ALDOC: variants seen among roughly 807,000 people sequenced by gnomAD.
ALDOC encodes the protein fructose-bisphosphate aldolase C.
Under a neutral mutation model 39.5 loss-of-function variants are expected in ALDOC, and 23 were observed. That is an observed-to-expected ratio of 0.58 (90% confidence interval 0.42 to 0.82). ALDOC has a LOEUF of 0.82. Among genes scored for constraint, ALDOC ranks in the 40% least tolerant of loss-of-function variants. The probability of loss-of-function intolerance (pLI) is 0.00; values close to 1 mark genes in which losing one functional copy is unlikely to be tolerated. For missense variants in ALDOC, 356 were observed against 479.1 expected, an observed-to-expected ratio of 0.74 and a Z score of 2.40; for synonymous variants, 160 against 182.6, an observed-to-expected ratio of 0.88 and a Z score of 1.00.
Position 28,575,541 on chromosome 17 carries a change from C to G in ALDOC, c.-9G>C, listed in dbSNP as rs2070478739. The G allele has an allele frequency of 6.2e-7, 1 of 1,613,506 alleles. No homozygotes were observed. The highest frequency in any genetic ancestry group is 1.3e-5 in the African/African-American group (1 of 74,932). On this transcript the variant is annotated 5_prime_UTR_variant, in exon 2 of 9. Transcript: ENST00000226253. The surrounding 1 kb of genome is among the most constrained non-coding windows in gnomAD (Gnocchi z 4.3). The stretch of plus-strand genomic sequence containing the variant: ...GGGTACGAGTGAGGCATGGTGACAG[C>G]TCCCTGGAGTGGAGACAAGATAAAA...
In ALDOC at chr17:28,573,850, G is replaced by T; in HGVS notation, c.884C>A (p.Pro295His). The change falls in exon 8 of 9, where the codon CCC (proline) becomes CAC (histidine). Residue 295 changes from proline to histidine, a missense_variant. Pro to His is a moderately conservative substitution (Grantham distance 77, BLOSUM62 -2). Transcript: ENST00000226253. This position sits in a 1 kb window ranked among gnomAD's most constrained non-coding sequence, Gnocchi z 4.3. ...CCCATAGGAGAAGGTAAGCGCCCAG[G>T]GTCGGGGAAGGGGGCAGCGGTTGAT... ...NAINRCPLPRPWALTFSYGRA... is the reference protein window; with the variant it reads ...NAINRCPLPRHWALTFSYGRA... The T allele has an allele frequency of 6.2e-7, 1 of 1,614,240 alleles. No individual in the cohort carries two copies. Among genetic ancestry groups the T allele is most frequent in the African/African-American group, 1.3e-5 (1 of 75,052 alleles).
intron 5 of ALDOC, 51 bp downstream of exon 5, chr17:28,574,645 C>G (rs1247502814): frequency 1.2e-6 from 2 of 1,613,650 alleles, no homozygotes; most frequent in African/African-American, 2.7e-5. Flanking sequence ...GTGACTCTCT[C>G]CCCACCAGGC....
intron 5 of ALDOC, 54 bp from the exon 6 acceptor site, chr17:28,574,631 C>T (rs915922016): frequency 1.2e-6 from 2 of 1,613,480 alleles, no homozygotes; most frequent in African/African-American, 2.7e-5. Flanking sequence ...ATGAAGAAAG[C>T]CTTGTGACTC....
At position 28,574,245 on chromosome 17, in the gene ALDOC, G is replaced by A. The variant is rs1222475947; in HGVS notation, c.625-4C>T. ...CCTTGTACACAGCAGCCAAGACCTG[G>A]GTGGGGATTAGAGGAGGTTTACTAA... On this transcript the variant is annotated splice_polypyrimidine_tract_variant and splice_region_variant and intron_variant, in intron 6 of 8. Coordinates refer to ENST00000226253, the MANE Select transcript of ALDOC (RefSeq NM_005165.3). 1.3e-6 allele frequency: 2 copies of A among 1,581,078 alleles called. No individual in the cohort carries two copies. The highest frequency in any genetic ancestry group is 1.2e-5 in the South Asian group (1 of 85,090).
chr17:28,574,279 GC>G, intron 6 of ALDOC, 38 bp from the exon 7 acceptor site: 1 of 1,561,938 alleles, frequency 6.4e-7, no homozygotes, highest in Non-Finnish European at 8.7e-7. Context: ...AAGGGTCTGG[GC>G]CCCCACTGGT....
In ALDOC at chr17:28,575,080, T is replaced by A. The variant is rs1225558780; in HGVS notation, c.324+43A>T. On this transcript the variant is annotated intron_variant, in intron 3 of 8. Coordinates refer to ENST00000226253, the MANE Select transcript of ALDOC (RefSeq NM_005165.3). This position sits in a 1 kb window ranked among gnomAD's most constrained non-coding sequence, Gnocchi z 4.3. Reference sequence around the variant, plus strand: ...TGCTACCCCTCCTACACAAGCTTATTTTCACACCCAGCTTCCATTCAGAGC... The same window carrying A: ...TGCTACCCCTCCTACACAAGCTTATATTCACACCCAGCTTCCATTCAGAGC... 1 of 1,613,934 alleles carries A rather than the reference T, an allele frequency of 6.2e-7. No homozygotes were observed. The highest frequency in any genetic ancestry group is 8.5e-7 in the Non-Finnish European group (1 of 1,179,968).
rs2070471079 is a variant in ALDOC, at chr17:28,575,108, G to A, written c.324+15C>T. ...CACACCCAGCTTCCATTCAGAGCAGGGCCAGGGGCTGCACCTTGATGCCCA... is the reference window on the plus strand; with the variant it reads ...CACACCCAGCTTCCATTCAGAGCAGAGCCAGGGGCTGCACCTTGATGCCCA... On this transcript the variant is annotated intron_variant, in intron 3 of 8. Coordinates refer to ENST00000226253, the MANE Select transcript of ALDOC (RefSeq NM_005165.3). This position sits in a 1 kb window ranked among gnomAD's most constrained non-coding sequence, Gnocchi z 4.3. 1 of 1,614,124 alleles carries A rather than the reference G, an allele frequency of 6.2e-7. No homozygotes were observed. The highest frequency in any genetic ancestry group is 2.2e-5 in the East Asian group (1 of 44,882).
Position 28,575,139 on chromosome 17 carries a change from A to G in ALDOC, c.308T>C (p.Ile103Thr), listed in dbSNP as rs1368968333. The G allele has an allele frequency of 1.2e-6, 2 of 1,614,190 alleles. No individual in the cohort carries two copies. Among genetic ancestry groups the G allele is most frequent in the Non-Finnish European group, 1.7e-6 (2 of 1,180,038 alleles). Residue 103 changes from isoleucine (I) to threonine (T), a missense_variant, in exon 3 of 9, where the codon ATC (isoleucine) becomes ACC (threonine). By Grantham distance (89) the Ile-to-Thr change is moderately conservative. Coordinates refer to ENST00000226253, the MANE Select transcript of ALDOC (RefSeq NM_005165.3). This position sits in a 1 kb window ranked among gnomAD's most constrained non-coding sequence, Gnocchi z 4.3. ...GGGCTGCACCTTGATGCCCACGACGATGCCCTTATCCTGGATGGTTCGGAC... is the reference window on the plus strand; with the variant it reads ...GGGCTGCACCTTGATGCCCACGACGGTGCCCTTATCCTGGATGGTTCGGAC... The part of the protein sequence containing the change: ...PFVRTIQDKG[I>T]VVGIKVDKGV...
chr17:28,575,821 T>G lies in ALDOC; in HGVS notation c.-12-277A>C, dbSNP rs1261604472. On this transcript the variant is annotated intron_variant, in intron 1 of 8. Transcript: ENST00000226253. This position sits in a 1 kb window ranked among gnomAD's most constrained non-coding sequence, Gnocchi z 4.3. ...AGGTGAGCAGCCCTGAAGCCACAGC[T>G]CTTCTGATAAATCTGCTGCCCAATC... 3.6e-6 allele frequency: 2 copies of G among 561,758 alleles called. No homozygotes were observed. Among genetic ancestry groups the G allele is most frequent in the Non-Finnish European group, 2.8e-6 (1 of 361,868 alleles). 34.8% of individuals were successfully genotyped at this position (561,758 alleles called of 1,614,324 possible). A position where few individuals can be genotyped will look rare whatever the true frequency, so the allele number is the denominator to read the frequency against.
rs374220270 is a variant in ALDOC, at chr17:28,573,639, G to A, written c.1000-18C>T. On this transcript the variant is annotated intron_variant, in intron 8 of 8. Transcript: ENST00000226253. This position sits in a 1 kb window ranked among gnomAD's most constrained non-coding sequence, Gnocchi z 4.3. Reference sequence around the variant, plus strand: ...CCATTCACCTGCAAAAGGGAGCGTGGAGTAAGCAGGCTGAGCCAGCCCACA... The same window carrying A: ...CCATTCACCTGCAAAAGGGAGCGTGAAGTAAGCAGGCTGAGCCAGCCCACA... 126 of 1,613,992 alleles carry A rather than the reference G, an allele frequency of 7.8e-5. No homozygotes were observed. The highest frequency in any genetic ancestry group is 9.9e-5 in the Non-Finnish European group (117 of 1,179,954).
At position 28,573,761 on chromosome 17, in the gene ALDOC, T is replaced by G. The variant is rs2070454323; in HGVS notation, c.973A>C (p.Thr325Pro). 1 of 1,614,074 alleles carries G rather than the reference T, an allele frequency of 6.2e-7. No homozygotes were observed. Among genetic ancestry groups the G allele is most frequent in the South Asian group, 1.1e-5 (1 of 91,094 alleles). Residue 325 changes from threonine to proline, a missense_variant, in exon 8 of 9, where the codon ACT becomes CCT. Thr to Pro is a conservative substitution (Grantham distance 38, BLOSUM62 -1). Transcript: ENST00000226253. The surrounding 1 kb of genome is among the most constrained non-coding windows in gnomAD (Gnocchi z 4.3). ...RGQRDNAGAA[T>P]EEFIKRAEVN... ...TCAGCCCGCTTGATGAACTCCTCAG[T>G]GGCAGCCCCAGCATTGTCCCGTTGC...
chr17:28,574,942 C>CA lies in ALDOC; in HGVS notation c.379+9dup. ...CACCTCTTTGGTCCTCAAGCCCACC[C>CA]ATCCTATACCTTGAGTGGTGGTTTC... On this transcript the variant is annotated intron_variant, in intron 4 of 8. Coordinates refer to ENST00000226253, the MANE Select transcript of ALDOC (RefSeq NM_005165.3). 2 of 1,614,210 alleles carry CA rather than the reference C, an allele frequency of 1.2e-6. No individual in the cohort carries two copies. Among genetic ancestry groups the CA allele is most frequent in the East Asian group, 2.2e-5 (1 of 44,886 alleles).
chr17:28,574,873 A>G lies in ALDOC; in HGVS notation c.380-17T>C. The G allele has an allele frequency of 6.2e-7, 1 of 1,614,170 alleles. No individual in the cohort carries two copies. The highest frequency in any genetic ancestry group is 1.1e-5 in the South Asian group (1 of 91,086). On this transcript the variant is annotated splice_polypyrimidine_tract_variant and intron_variant, in intron 4 of 8. Coordinates refer to ENST00000226253, the MANE Select transcript of ALDOC (RefSeq NM_005165.3). ...CATCCAGCCCTGCAAGCACAGTGCCAACCTCATTACTCTGCCCCTCTTTTA... is the reference window on the plus strand; with the variant it reads ...CATCCAGCCCTGCAAGCACAGTGCCGACCTCATTACTCTGCCCCTCTTTTA...
chr17:28,575,612 A>T lies in ALDOC; in HGVS notation c.-12-68T>A. ...CTGCCTCTCCTGGCCAGATGGGCCA[A>T]ATGGCCTCCCCATCAAGCAAGGGGC... On this transcript the variant is annotated intron_variant, in intron 1 of 8. Coordinates refer to ENST00000226253, the MANE Select transcript of ALDOC (RefSeq NM_005165.3). The surrounding 1 kb of genome is among the most constrained non-coding windows in gnomAD (Gnocchi z 4.3). The T allele has an allele frequency of 6.5e-7, 1 of 1,539,696 alleles. No individual in the cohort carries two copies. Among genetic ancestry groups the T allele is most frequent in the South Asian group, 1.2e-5 (1 of 83,962 alleles).
chr17:28,575,895 G>A lies in ALDOC; in HGVS notation c.-12-351C>T. On this transcript the variant is annotated intron_variant, in intron 1 of 8. Transcript: ENST00000226253. This position sits in a 1 kb window ranked among gnomAD's most constrained non-coding sequence, Gnocchi z 4.3. ...TGAACTTGGTCCCTTGTTGAGGTAG[G>A]CAAAAGTCCTGGCCTTTCCAGCTTC... is the stretch of plus-strand genomic sequence containing the variant. 1.1e-6 allele frequency: 1 copy of A among 914,266 alleles called. No individual in the cohort carries two copies. Among genetic ancestry groups the A allele is most frequent in the South Asian group, 3.0e-5 (1 of 33,544 alleles). 56.6% of individuals were successfully genotyped at this position (914,266 alleles called of 1,614,324 possible).
chr17:28,575,904 CTGGCCTTTCCAG>C lies in ALDOC; in HGVS notation c.-12-372_-12-361del. On this transcript the variant is annotated intron_variant, in intron 1 of 8. Transcript: ENST00000226253. This position sits in a 1 kb window ranked among gnomAD's most constrained non-coding sequence, Gnocchi z 4.3. ...TCCCTTGTTGAGGTAGGCAAAAGTC[CTGGCCTTTCCAG>C]CTTCCCTTTTCTCATCCTCCACAGG... The C allele has an allele frequency of 2.0e-6, 2 of 979,868 alleles. No individual in the cohort carries two copies. Among genetic ancestry groups the C allele is most frequent in the Non-Finnish European group, 2.5e-6 (2 of 797,734 alleles). The allele number at this position is 979,868 out of a possible 1,614,324, so 60.7% of individuals were successfully genotyped here.
Position 28,573,476 on chromosome 17 carries a change from A to G in ALDOC, c.*50T>C, listed in dbSNP as rs757601204. 6.3e-7 allele frequency: 1 copy of G among 1,578,522 alleles called. No individual in the cohort carries two copies. Among genetic ancestry groups the G allele is most frequent in the Admixed American group, 1.7e-5 (1 of 59,974 alleles). ...TTTGGCCCTGGCCATGACTACAAGC[A>G]AAAGTGGGTGCAGATGGCTGGGCCA... On this transcript the variant is annotated 3_prime_UTR_variant, in exon 9 of 9. Transcript: ENST00000226253. This position sits in a 1 kb window ranked among gnomAD's most constrained non-coding sequence, Gnocchi z 4.3.
rs2070471182 is a variant in ALDOC, at chr17:28,575,113, G to A, written c.324+10C>T. On this transcript the variant is annotated intron_variant, in intron 3 of 8. Transcript: ENST00000226253. This position sits in a 1 kb window ranked among gnomAD's most constrained non-coding sequence, Gnocchi z 4.3. ...CCAGCTTCCATTCAGAGCAGGGCCA[G>A]GGGCTGCACCTTGATGCCCACGACG... 6.2e-7 allele frequency: 1 copy of A among 1,614,074 alleles called. No individual in the cohort carries two copies. The highest frequency in any genetic ancestry group is 1.7e-5 in the Admixed American group (1 of 60,006).
In ALDOC at chr17:28,573,347, C is replaced by T. The variant is rs2070450229; in HGVS notation, c.*179G>A. On this transcript the variant is annotated 3_prime_UTR_variant, in exon 9 of 9. Coordinates refer to ENST00000226253, the MANE Select transcript of ALDOC (RefSeq NM_005165.3). The surrounding 1 kb of genome is among the most constrained non-coding windows in gnomAD (Gnocchi z 4.3). ...CCCTCAGTCATGAGGGGCTCCCTAT[C>T]CTCCCATCCTATGGTCCCAGGTGCA... is the stretch of plus-strand genomic sequence containing the variant. The T allele has an allele frequency of 3.1e-6, 2 of 650,154 alleles. No homozygotes were observed. The highest frequency in any genetic ancestry group is 5.5e-6 in the Non-Finnish European group (2 of 361,338). The allele number at this position is 650,154 out of a possible 1,614,324, so 40.3% of individuals were successfully genotyped here. A position where few individuals can be genotyped will look rare whatever the true frequency, so the allele number is the denominator to read the frequency against.
Sources: allele counts gnomAD v4.1 joint callset, GRCh38; gene constraint gnomAD v4.1.1; non-coding constraint Gnocchi (gnomAD v3.1); transcripts MANE v1.5; gene names NCBI Gene and HGNC (gene_info 2026-07-23, HGNC 2026-07-21).